Variants in NEO1 observed in about 807,000 individuals in gnomAD.
NEO1 encodes the protein neogenin.
NEO1 carries 63 observed loss-of-function variants against 159.7 expected under a neutral mutation model. That is an observed-to-expected ratio of 0.39 (90% CI 0.32 to 0.49). NEO1 has a LOEUF of 0.49. Ranked by LOEUF, NEO1 falls within the 20% of genes least tolerant of loss-of-function variation. The pLI, the probability that NEO1 is intolerant of heterozygous loss-of-function variation, is 0.85. For missense variants in NEO1, 1,615 were observed against 1,831.0 expected (o/e 0.88, Z 2.15); for synonymous variants, 633 against 662.0 (o/e 0.96, Z 0.67).
At chr15:73,093,913 A>G (rs927570888) in intron 1 of NEO1, among the ~76,000 whole-genome samples, 1 of 152,050 alleles carries the variant, frequency 6.6e-6, no homozygotes, top group African/African-American at 2.4e-5. Context: ...TGTCTCATTG[A>G]CATACCTCCA....
chr15:73,127,912 AGGG>A (rs878954365), intron 4 of NEO1, among the ~76,000 whole-genome samples: 28 of 152,234 alleles, frequency 1.8e-4, no homozygotes, highest in Non-Finnish European at 3.7e-4. Flanking sequence ...TGACTTGGAC[AGGG>A]CAGATCTAGA....
chr15:73,137,262 G>A (rs16957661), intron 5 of NEO1, among the ~76,000 whole-genome samples: 19,636 of 151,440 alleles, frequency 0.13, 1,952 homozygotes, highest in African/African-American at 0.27. Context: ...GACTGACCAA[G>A]AATTAAAAAT....
intron 22 of NEO1, among the ~76,000 whole-genome samples, chr15:73,279,990 C>A (rs1280816520): frequency 6.6e-6 from 1 of 152,184 alleles, no homozygotes; most frequent in Non-Finnish European, 1.5e-5. Context: ...TGAGCTTTAT[C>A]CTACAAATAA....
At chr15:73,243,774 A>G (rs1042077816) in intron 8 of NEO1, among the ~76,000 whole-genome samples, 2 of 152,232 alleles carry the variant, frequency 1.3e-5, no homozygotes, top group African/African-American at 4.8e-5. Context: ...ATGAAGTGTT[A>G]ATTTTAAGAA....
At position 73,073,342 on chromosome 15, in the gene NEO1, G is replaced by A. The variant is rs187501370; in HGVS notation, c.130+20537G>A. 3.1e-3 allele frequency among the ~76,000 whole-genome samples: 470 copies of A among 152,218 alleles called. 2 individuals carry two copies. Among genetic ancestry groups the A allele is most frequent in the Non-Finnish European group, 5.4e-3 (365 of 68,016 alleles). ...GATGGAATTTGGAAGCAGGTTGAGG[G>A]ACAAGTGGGAAGGGAGGAAATGAAG... On this transcript the variant is annotated intron_variant, in intron 1 of 28. Transcript: ENST00000261908.
chr15:73,302,823 C>T lies in NEO1; in HGVS notation c.*127C>T, dbSNP rs994263341. 1 of 842,824 alleles carries T rather than the reference C, an allele frequency of 1.2e-6. No homozygotes were observed. The highest frequency in any genetic ancestry group is 1.9e-6 in the Non-Finnish European group (1 of 526,072). The allele number at this position is 842,824 out of a possible 1,614,324, so 52.2% of individuals were successfully genotyped here. ...AACACAGAATGAGCCAGCAGACTGG[C>T]CAGCGCCTCTGTGTAGGGCTGGCTC... On this transcript the variant is annotated 3_prime_UTR_variant, in exon 29 of 29. Transcript: ENST00000261908.
rs1031246525 is a variant in NEO1, at chr15:73,154,003, T to G, written c.1015+17976T>G. ...CAATTTTTATTTTATTTCCAAGGTATAATTTATACTGTGTCACATTTACAT... is the reference window on the plus strand; with the variant it reads ...CAATTTTTATTTTATTTCCAAGGTAGAATTTATACTGTGTCACATTTACAT... On this transcript the variant is annotated intron_variant, in intron 5 of 28. Coordinates refer to ENST00000261908, the MANE Select transcript of NEO1 (RefSeq NM_002499.4). 2.6e-5 allele frequency among the ~76,000 whole-genome samples: 4 copies of G among 152,336 alleles called. No individual in the cohort carries two copies. The East Asian group carries it at 7.7e-4, about 29-fold the overall frequency.
intron 21 of NEO1, among the ~76,000 whole-genome samples, chr15:73,277,190 A>G (rs1055508939): frequency 6.6e-6 from 1 of 152,236 alleles, no homozygotes; most frequent in Admixed American, 6.5e-5. Flanking sequence ...TTAACCTCAT[A>G]GTTAACTTCA....
chr15:73,053,572 T>C (rs1309525928), intron 1 of NEO1, among the ~76,000 whole-genome samples: 1 of 152,220 alleles, frequency 6.6e-6, no homozygotes, highest in Non-Finnish European at 1.5e-5. Context: ...TCAGATGGCA[T>C]TGTATAAACA....
At chr15:73,222,091 ATTT>A (rs71137336) in intron 7 of NEO1, 3,128 of 52,094 alleles carry the variant, frequency 0.06, 6 homozygotes, top group Non-Finnish European at 0.079. Context: ...CCTGTTGGTA[ATTT>A]TTTTTTTTTT....
intron 11 of NEO1, 103 bp downstream of exon 11, chr15:73,249,824 C>T (rs2039982028): frequency 6.2e-6 from 8 of 1,294,792 alleles, no homozygotes; most frequent in Non-Finnish European, 8.3e-6. Flanking sequence ...GTTCAAATCC[C>T]AATTTTACCT....
chr15:73,114,488 A>G (rs894706752), intron 1 of NEO1, among the ~76,000 whole-genome samples: 1 of 152,192 alleles, frequency 6.6e-6, no homozygotes, highest in African/African-American at 2.4e-5. Context: ...AAGTGCCTTG[A>G]TTTTGAAAGG....
At chr15:73,287,222 C>T (rs1432943491) in intron 23 of NEO1, among the ~76,000 whole-genome samples, 8 of 152,288 alleles carry the variant, frequency 5.3e-5, no homozygotes, top group Non-Finnish European at 5.9e-5. Flanking sequence ...AGGGTTTTGA[C>T]ATAAGCTGAT....
intron 1 of NEO1, among the ~76,000 whole-genome samples, chr15:73,094,511 G>T (rs1442326104): frequency 6.6e-6 from 1 of 152,172 alleles, no homozygotes; most frequent in African/African-American, 2.4e-5. Context: ...TGGCTATTAT[G>T]AATAATGCTG....
At chr15:73,287,062 AG>A (rs2041975995) in intron 23 of NEO1, among the ~76,000 whole-genome samples, 2 of 152,238 alleles carry the variant, frequency 1.3e-5, no homozygotes, top group African/African-American at 4.8e-5. Flanking sequence ...TCACACTCTT[AG>A]CATTGCCCTA....
intron 7 of NEO1, among the ~76,000 whole-genome samples, chr15:73,180,765 C>T (rs1467451112): frequency 1.3e-5 from 2 of 151,908 alleles, no homozygotes; most frequent in Non-Finnish European, 2.9e-5. Flanking sequence ...TTGAGAATAG[C>T]GTTTTATGAG....
chr15:73,126,992 G>A (rs900219446), intron 4 of NEO1, among the ~76,000 whole-genome samples: 4 of 152,134 alleles, frequency 2.6e-5, no homozygotes, highest in African/African-American at 9.7e-5. Context: ...AGCACTTCGG[G>A]ACGCTGAGGT....
intron 26 of NEO1, 114 bp from the exon 27 acceptor site, chr15:73,298,233 CT>C: frequency 7.8e-7 from 1 of 1,277,584 alleles, no homozygotes; most frequent in Non-Finnish European, 1.1e-6. Flanking sequence ...TGGACTAGCA[CT>C]GATCGCAAGT....
chr15:73,081,662 A>C (rs1442714143), intron 1 of NEO1, among the ~76,000 whole-genome samples: 1 of 151,214 alleles, frequency 6.6e-6, no homozygotes, highest in East Asian at 1.9e-4. Context: ...TGTAGCCTCG[A>C]CCTCCTGGAC....
Sources: gnomAD v4.1 joint callset for allele counts (sites outside exome capture counted in the v4.1 genomes callset) on GRCh38, gnomAD v4.1.1 for gene constraint, MANE v1.5 for transcripts, NCBI Gene and HGNC (gene_info 2026-07-23, HGNC 2026-07-21) for gene names.